The following PASD1 variants were observed in gnomAD, a reference collection of about 807,000 sequenced individuals.
PASD1 encodes the protein circadian clock protein PASD1.
Under a neutral mutation model 58.8 loss-of-function variants are expected in PASD1, and 13 were observed. That is an observed-to-expected ratio of 0.22 (90% CI 0.14 to 0.35). PASD1 has a LOEUF of 0.35. PASD1 is among the 10% of genes least tolerant of loss of function. The probability of loss-of-function intolerance (pLI) is 1.00; values close to 1 mark genes in which losing one functional copy is unlikely to be tolerated. For missense variants in PASD1, 734 were observed against 568.3 expected, an observed-to-expected ratio of 1.29 and a Z score of -2.96; for synonymous variants, 236 against 216.7, an observed-to-expected ratio of 1.09 and a Z score of -0.78.
intron 10 of PASD1, among the ~76,000 whole-genome samples, chrX:151,660,686 A>G (rs1418848364): frequency 3.6e-5 from 4 of 112,588 alleles, no homozygotes; most frequent in Non-Finnish European, 7.5e-5. Flanking sequence ...CTGTTAAGCC[A>G]ATGATGGAGA....
intron 8 of PASD1, among the ~76,000 whole-genome samples, chrX:151,639,703 C>T (rs1469224587): frequency 9.0e-6 from 1 of 111,715 alleles, no homozygotes; most frequent in Non-Finnish European, 1.9e-5. Flanking sequence ...CAGAGACTGA[C>T]TTAGCTCTTC....
At chrX:151,625,556 A>G (rs372854690) in intron 8 of PASD1, 26 bp downstream of exon 8, 6 of 1,079,768 alleles carry the variant, frequency 5.6e-6, no homozygotes, top group Non-Finnish European at 7.6e-6. Flanking sequence ...GATAAAGCTA[A>G]TGAAGATCTA....
intron 8 of PASD1, among the ~76,000 whole-genome samples, chrX:151,638,679 A>T (rs569556790): frequency 3.6e-5 from 4 of 111,514 alleles, no homozygotes; most frequent in Non-Finnish European, 7.5e-5. Context: ...TGCAGAACAA[A>T]GGGTTTTTAT....
chrX:151,599,857 CGG>C (rs2013386102), intron 1 of PASD1, among the ~76,000 whole-genome samples: 2 of 110,683 alleles, frequency 1.8e-5, no homozygotes, highest in South Asian at 7.7e-4. Context: ...ACTTCCTAGA[CGG>C]GGTGGCGGCC....
At chrX:151,656,484 C>A (rs1051749968) in intron 9 of PASD1, among the ~76,000 whole-genome samples, 33 of 111,826 alleles carry the variant, frequency 3.0e-4, no homozygotes, top group South Asian at 1.1e-3. Flanking sequence ...TTCTTCCTAT[C>A]CATGAGGGTA....
At chrX:151,569,720 C>T (rs2012899878) in intron 1 of PASD1, among the ~76,000 whole-genome samples, 1 of 110,063 alleles carries the variant, frequency 9.1e-6, no homozygotes, top group African/African-American at 3.3e-5. Flanking sequence ...ATCAGCATTG[C>T]GAAAAGGAAT....
chrX:151,577,615 C>T (rs2013026165), intron 1 of PASD1, among the ~76,000 whole-genome samples: 1 of 111,850 alleles, frequency 8.9e-6, no homozygotes. Context: ...ACCTCCACCT[C>T]CCGGGTTCAA....
intron 1 of PASD1, among the ~76,000 whole-genome samples, chrX:151,573,299 A>G (rs2012954245): frequency 9.0e-6 from 1 of 111,702 alleles, no homozygotes. Context: ...CAGATATTCA[A>G]ACTATATCAT....
intron 11 of PASD1, among the ~76,000 whole-genome samples, chrX:151,668,692 C>G (rs1393646471): frequency 9.0e-6 from 1 of 110,521 alleles, no homozygotes; most frequent in African/African-American, 3.3e-5. Context: ...CCAATAACAG[C>G]CTCTGAAATT....
At chrX:151,667,646 C>G (rs1045042659) in intron 11 of PASD1, among the ~76,000 whole-genome samples, 1 of 111,830 alleles carries the variant, frequency 8.9e-6, no homozygotes, top group Non-Finnish European at 1.9e-5. Flanking sequence ...GAATCCTTTC[C>G]CCGTTTCTTG....
intron 1 of PASD1, among the ~76,000 whole-genome samples, chrX:151,574,036 A>G (rs1370580425): frequency 8.9e-6 from 1 of 112,428 alleles, no homozygotes; most frequent in African/African-American, 3.2e-5. Context: ...CCAAACTCAA[A>G]CCTGTCTAAC....
chrX:151,638,902 T>C (rs2013964753), intron 8 of PASD1, among the ~76,000 whole-genome samples: 1 of 112,084 alleles, frequency 8.9e-6, no homozygotes, highest in African/African-American at 3.2e-5. Flanking sequence ...TTTTGGTATA[T>C]GGATGTCCAG....
At chrX:151,661,569 A>G (rs967566023) in intron 10 of PASD1, among the ~76,000 whole-genome samples, 4 of 112,603 alleles carry the variant, frequency 3.6e-5, no homozygotes, top group Non-Finnish European at 7.5e-5. Flanking sequence ...ATTTTACATA[A>G]CCACAGTACA....
chrX:151,644,986 G>A (rs776484593), intron 8 of PASD1, among the ~76,000 whole-genome samples: 4 of 110,819 alleles, frequency 3.6e-5, no homozygotes, highest in Non-Finnish European at 5.7e-5. Context: ...CTTCAGGAGA[G>A]GTGGGCTTTG....
intron 8 of PASD1, among the ~76,000 whole-genome samples, chrX:151,634,119 T>C (rs1029783554): frequency 5.4e-5 from 6 of 111,779 alleles, no homozygotes; most frequent in African/African-American, 2.0e-4. Context: ...TTTTATTTTT[T>C]AACTTTTTAT....
intron 4 of PASD1, 123 bp downstream of exon 4, chrX:151,611,876 G>T (rs1242786034): frequency 2.3e-6 from 1 of 443,685 alleles, no homozygotes; most frequent in African/African-American, 2.5e-5. Flanking sequence ...GTGCAGGTTT[G>T]TTTCATATGG....
intron 4 of PASD1, among the ~76,000 whole-genome samples, chrX:151,614,640 C>A (rs765554882): frequency 7.0e-4 from 79 of 112,164 alleles, no homozygotes; most frequent in Middle Eastern, 9.2e-3. Context: ...TTCCTCATTC[C>A]ACAGAGTTGT....
intron 8 of PASD1, among the ~76,000 whole-genome samples, chrX:151,641,597 A>AC (rs1276826878): frequency 9.0e-6 from 1 of 111,512 alleles, no homozygotes; most frequent in Non-Finnish European, 1.9e-5. Context: ...GTACAGGAAA[A>AC]CAGGAAGGCT....
chrX:151,625,679 C>T (rs2013777409), intron 8 of PASD1, 149 bp downstream of exon 8: 4 of 485,536 alleles, frequency 8.2e-6, no homozygotes, highest in East Asian at 3.7e-5. Context: ...GATGGTGGCT[C>T]ATGCCTGTAG....
Sources: gnomAD v4.1 joint callset for allele counts (sites outside exome capture counted in the v4.1 genomes callset) on GRCh38, gnomAD v4.1.1 for gene constraint, MANE v1.5 for transcripts, NCBI Gene and HGNC (gene_info 2026-07-23, HGNC 2026-07-21) for gene names.